EXOC2: variants seen among roughly 807,000 people sequenced by gnomAD.
EXOC2 encodes the protein exocyst complex component 2.
In EXOC2, 70 loss-of-function variants were observed where a neutral mutation model predicts 131.8. The observed-to-expected ratio is 0.53, with a 90% CI of 0.44 to 0.65. The LOEUF is 0.65. Among genes scored for constraint, EXOC2 ranks in the 30% least tolerant of loss-of-function variants. EXOC2 has a pLI of 0.00. For synonymous variants in EXOC2, 411 were observed against 398.4 expected, an observed-to-expected ratio of 1.03 and a Z score of -0.38; for missense variants, 923 against 1,108.6, an observed-to-expected ratio of 0.83 and a Z score of 2.38.
intron 11 of EXOC2, among the ~76,000 whole-genome samples, chr6:582,019 A>T (rs539360567): frequency 6.6e-6 from 1 of 152,340 alleles, no homozygotes; most frequent in East Asian, 1.9e-4. Context: ...TTTTCTTCAG[A>T]AAACTAATGA....
At chr6:546,971 T>C (rs1055678142) in intron 22 of EXOC2, among the ~76,000 whole-genome samples, 2 of 152,236 alleles carry the variant, frequency 1.3e-5, no homozygotes, top group African/African-American at 4.8e-5. Context: ...TGCATGGTGC[T>C]GGACCAGAAA....
At chr6:501,967 C>A (rs1000314826) in intron 23 of EXOC2, among the ~76,000 whole-genome samples, 6 of 151,930 alleles carry the variant, frequency 3.9e-5, no homozygotes, top group African/African-American at 1.5e-4. Context: ...GCTTTCTTCC[C>A]GCAGGAGGAA....
At chr6:492,552 G>C (rs1763498908) in intron 25 of EXOC2, among the ~76,000 whole-genome samples, 1 of 152,190 alleles carries the variant, frequency 6.6e-6, no homozygotes, top group Admixed American at 6.5e-5. Context: ...CATATTTAAA[G>C]TGGAATATTA....
At chr6:567,135 G>GT (rs922364483) in intron 13 of EXOC2, among the ~76,000 whole-genome samples, 10 of 152,220 alleles carry the variant, frequency 6.6e-5, no homozygotes, top group South Asian at 2.1e-4. Context: ...ACCAAGGTGG[G>GT]TTTTTTAAAA....
At chr6:535,233 G>A (rs1766367142) in intron 22 of EXOC2, among the ~76,000 whole-genome samples, 1 of 152,118 alleles carries the variant, frequency 6.6e-6, no homozygotes. Context: ...AGGCATGGTG[G>A]TGCGCATCTG....
At chr6:507,639 C>T (rs1249746450) in intron 23 of EXOC2, among the ~76,000 whole-genome samples, 2 of 152,108 alleles carry the variant, frequency 1.3e-5, no homozygotes, top group Non-Finnish European at 2.9e-5. Context: ...TAGTGCTGAT[C>T]TCATGGGAAT....
intron 1 of EXOC2, among the ~76,000 whole-genome samples, chr6:674,418 T>TA (rs1016092309): frequency 1.5e-4 from 23 of 151,688 alleles, no homozygotes; most frequent in Admixed American, 2.0e-4. Flanking sequence ...TGTACCCTGT[T>TA]AAAAAAAAAT....
intron 25 of EXOC2, among the ~76,000 whole-genome samples, chr6:491,805 TTC>T (rs1445397343): frequency 4.6e-5 from 7 of 152,208 alleles, no homozygotes; most frequent in African/African-American, 1.4e-4. Context: ...GCCTCAGACT[TTC>T]TGACTTCAGC....
chr6:608,671 C>T (rs1475374045), intron 7 of EXOC2, among the ~76,000 whole-genome samples: 2 of 151,704 alleles, frequency 1.3e-5, no homozygotes, highest in Non-Finnish European at 2.9e-5. Context: ...AATCACATTA[C>T]CACACTATGG....
intron 11 of EXOC2, among the ~76,000 whole-genome samples, chr6:583,813 G>A (rs888787445): frequency 2.0e-5 from 3 of 152,198 alleles, no homozygotes; most frequent in Non-Finnish European, 4.4e-5. Flanking sequence ...GCCTTCCCTG[G>A]AGGTCCGCCC....
intron 1 of EXOC2, among the ~76,000 whole-genome samples, chr6:653,718 C>G (rs1762933573): frequency 1.3e-5 from 2 of 152,196 alleles, no homozygotes. Context: ...ATTATAAGAT[C>G]ACTGATGAAG....
At chr6:568,520 T>A (rs904718035) in intron 13 of EXOC2, among the ~76,000 whole-genome samples, 37 of 152,142 alleles carry the variant, frequency 2.4e-4, no homozygotes, top group African/African-American at 8.2e-4. Context: ...CCCCTTAGCA[T>A]AGATCTCTTC....
At chr6:674,996 CT>C (rs1414399354) in intron 1 of EXOC2, among the ~76,000 whole-genome samples, 2 of 152,262 alleles carry the variant, frequency 1.3e-5, no homozygotes, top group East Asian at 3.9e-4. Flanking sequence ...ACTTGCTCAG[CT>C]TGCCTACCCT....
In EXOC2 at chr6:567,365, A is replaced by G. The variant is rs866802624; in HGVS notation, c.1444-2436T>C. 1.1e-4 allele frequency among the ~76,000 whole-genome samples: 16 copies of G among 152,274 alleles called. 1 individual carries two copies. Among genetic ancestry groups the G allele is most frequent in the East Asian group, 9.6e-4 (5 of 5,192 alleles). On this transcript the variant is annotated intron_variant, in intron 13 of 27. Transcript: ENST00000230449. ...TCTCTTGTGCCATGTGTCAGTTTCAATATCACCTCCAGAGAGCGGCCTTCC... is the reference window on the plus strand; with the variant it reads ...TCTCTTGTGCCATGTGTCAGTTTCAGTATCACCTCCAGAGAGCGGCCTTCC...
At chr6:623,582 G>A (rs1223531065) in intron 4 of EXOC2, among the ~76,000 whole-genome samples, 3 of 152,122 alleles carry the variant, frequency 2.0e-5, no homozygotes, top group East Asian at 1.9e-4. Flanking sequence ...AACCTTGCCC[G>A]GACACACAGA....
At position 610,103 on chromosome 6, in the gene EXOC2, A is replaced by G; in HGVS notation, c.737T>C (p.Leu246Pro). 6.2e-7 allele frequency: 1 copy of G among 1,614,006 alleles called. No homozygotes were observed. Among genetic ancestry groups the G allele is most frequent in the Non-Finnish European group, 8.5e-7 (1 of 1,179,926 alleles). Residue 246 changes from leucine (L) to proline (P), a missense_variant, in exon 7 of 28, where the codon CTG becomes CCG. Physicochemically the swap from Leu to Pro is moderately conservative, Grantham distance 98. Transcript: ENST00000230449. ...GSMTQKLENV[L>P]NRASNTADTL... ...GGTAGTAGGACAAAACTTACTGTTC[A>G]GAACATTCTCCAGTTTCTGCGTCAT... is the stretch of plus-strand genomic sequence containing the variant.
At chr6:600,990 T>C (rs928413428) in intron 7 of EXOC2, among the ~76,000 whole-genome samples, 1 of 152,170 alleles carries the variant, frequency 6.6e-6, no homozygotes, top group African/African-American at 2.4e-5. Context: ...TATTCAGTAA[T>C]AAAATACATG....
At position 687,171 on chromosome 6, in the gene EXOC2, C is replaced by CT. The variant is rs762736216; in HGVS notation, c.-44+5847dup. On this transcript the variant is annotated intron_variant, in intron 1 of 27. Transcript: ENST00000230449. ...GAAGAAGTCATTATCAAATAATATT[C>CT]TTTTTTTTTTTTTTTTTTTTTTTGA... Among the ~76,000 whole-genome samples the CT allele has an allele frequency of 1.1e-3, 90 of 78,364 alleles. 13 individuals carry two copies. The highest frequency in any genetic ancestry group is 3.6e-3 in the African/African-American group (70 of 19,464). 51.4% of individuals were successfully genotyped at this position (78,364 alleles called of 152,430 possible).
chr6:491,416 G>A (rs1046140620), intron 25 of EXOC2, among the ~76,000 whole-genome samples: 3 of 152,248 alleles, frequency 2.0e-5, no homozygotes, highest in African/African-American at 7.2e-5. Flanking sequence ...GACTGTGTGA[G>A]GGCAGGGAAC....
Sources: gnomAD v4.1 joint callset for allele counts (sites outside exome capture counted in the v4.1 genomes callset) on GRCh38, gnomAD v4.1.1 for gene constraint, MANE v1.5 for transcripts, NCBI Gene and HGNC (gene_info 2026-07-23, HGNC 2026-07-21) for gene names.